The following PCDHGC5 variants were observed in gnomAD, a reference collection of about 807,000 sequenced individuals.
PCDHGC5 encodes the protein protocadherin gamma-C5.
Under a neutral mutation model 59.0 loss-of-function variants are expected in PCDHGC5, and 25 were observed. The observed-to-expected ratio is 0.42, with a 90% CI of 0.31 to 0.59. PCDHGC5 has a LOEUF of 0.59. Ranked by LOEUF, PCDHGC5 falls within the 20% of genes least tolerant of loss-of-function variation. The probability of loss-of-function intolerance (pLI) is 0.13; values close to 1 mark genes in which losing one functional copy is unlikely to be tolerated. For synonymous variants in PCDHGC5, 434 were observed against 505.5 expected (o/e 0.86, Z 1.90); for missense variants, 1,067 against 1,206.4 (o/e 0.88, Z 1.71).
At chr5:141,506,969 A>G (rs923725359) in intron 3 of PCDHGC5, 7 of 152,208 alleles carry the variant, frequency 4.6e-5, no homozygotes, top group Non-Finnish European at 8.8e-5. Flanking sequence ...ATAGCTCTGC[A>G]AGGCAGGTCT....
In PCDHGC5 at chr5:141,491,410, G is replaced by T. The variant is rs777207581; in HGVS notation, c.2170G>T (p.Asp724Tyr). The change falls in exon 1 of 4, where the codon GAC (aspartate) becomes TAC (tyrosine). Residue 724 changes from aspartate (D) to tyrosine (Y), a missense_variant. Physicochemically the swap from Asp to Tyr is radical, Grantham distance 160 (BLOSUM62 -3). Transcript: ENST00000252087. The surrounding 1 kb of genome is among the most constrained non-coding windows in gnomAD (Gnocchi z 6.9). ...GTGCCTTCAGGGAAACGCAGACGGG[G>T]ACGGGGGTGGAGGGCAGTGCTGCAG... ...AKCLQGNADG[D>Y]GGGGQCCRRQ... is the part of the protein sequence containing the mutation. 28 of 1,614,142 alleles carry T rather than the reference G, an allele frequency of 1.7e-5. No individual in the cohort carries two copies. The highest frequency in any genetic ancestry group is 2.4e-5 in the Non-Finnish European group (28 of 1,180,034).
Position 141,489,153 on chromosome 5 carries a change from G to T in PCDHGC5, c.-88G>T. 1 of 935,828 alleles carries T rather than the reference G, an allele frequency of 1.1e-6. No individual in the cohort carries two copies. Among genetic ancestry groups the T allele is most frequent in the South Asian group, 1.8e-5 (1 of 55,006 alleles). 58.0% of individuals were successfully genotyped at this position (935,828 alleles called of 1,614,324 possible). A position where few individuals can be genotyped will look rare whatever the true frequency, so the allele number is the denominator to read the frequency against. Reference sequence around the variant, plus strand: ...TTTAAGAGGCTGGAAGGAGACATAAGAGACTTCAGCTGCTGCATTCCAAGC... The same window carrying T: ...TTTAAGAGGCTGGAAGGAGACATAATAGACTTCAGCTGCTGCATTCCAAGC... On this transcript the variant is annotated 5_prime_UTR_variant, in exon 1 of 4. Transcript: ENST00000252087. The surrounding 1 kb of genome is among the most constrained non-coding windows in gnomAD (Gnocchi z 4.5).
chr5:141,491,567 C>T lies in PCDHGC5; in HGVS notation c.2327C>T (p.Thr776Met), dbSNP rs2099721325. Residue 776 changes from threonine to methionine, a missense_variant, in exon 1 of 4, where the codon ACG (threonine) becomes ATG (methionine). Thr to Met is a moderately conservative substitution (Grantham distance 81). Transcript: ENST00000252087. The surrounding 1 kb of genome is among the most constrained non-coding windows in gnomAD (Gnocchi z 6.9). ...GACTCGCAGAGCCACTGCTACAGGACGTGCTTTTCACCGGCCTCGGACGGC... is the reference window on the plus strand; with the variant it reads ...GACTCGCAGAGCCACTGCTACAGGATGTGCTTTTCACCGGCCTCGGACGGC... ...PTDSQSHCYR[T>M]CFSPASDGSD... is the part of the protein sequence containing the mutation. 1.9e-6 allele frequency: 3 copies of T among 1,614,004 alleles called. No individual in the cohort carries two copies. The highest frequency in any genetic ancestry group is 2.5e-6 in the Non-Finnish European group (3 of 1,180,034).
chr5:141,497,919 T>G (rs762168347), intron 2 of PCDHGC5, among the ~76,000 whole-genome samples: 11 of 152,206 alleles, frequency 7.2e-5, no homozygotes, highest in Non-Finnish European at 1.6e-4. Flanking sequence ...TCTCCTTCAT[T>G]CATTCAACAA....
intron 2 of PCDHGC5, among the ~76,000 whole-genome samples, chr5:141,501,526 G>A (rs2099809738): frequency 6.6e-6 from 1 of 151,962 alleles, no homozygotes; most frequent in Non-Finnish European, 1.5e-5. Context: ...CTGAAGCCCA[G>A]TACGTTGTTG....
intron 2 of PCDHGC5, among the ~76,000 whole-genome samples, chr5:141,498,573 A>G (rs7725519): frequency 0.52 from 78,890 of 151,684 alleles, 21,175 homozygotes; most frequent in African/African-American, 0.65. Flanking sequence ...CAGGGCTAGT[A>G]TTGAGTTCTT....
At chr5:141,505,344 AGCT>A in intron 2 of PCDHGC5, 46 bp from the exon 3 acceptor site, 1 of 1,613,046 alleles carries the variant, frequency 6.2e-7, no homozygotes, top group South Asian at 1.1e-5. Flanking sequence ...GAGGGGCATG[AGCT>A]GTGCCGGCCT....
At chr5:141,495,014 G>A (rs561045298) in intron 2 of PCDHGC5, 149 bp downstream of exon 2, 13 of 1,510,430 alleles carry the variant, frequency 8.6e-6, no homozygotes, top group South Asian at 7.5e-5. Flanking sequence ...GCGGGGGGCT[G>A]GCACACAGAC....
intron 3 of PCDHGC5, among the ~76,000 whole-genome samples, chr5:141,508,957 C>T (rs1242113190): frequency 6.6e-6 from 1 of 151,976 alleles, no homozygotes; most frequent in Non-Finnish European, 1.5e-5. Context: ...GAAATGTCAG[C>T]GGAATGAAAG....
rs762138055 is a variant in PCDHGC5, at chr5:141,490,757, T to C, written c.1517T>C (p.Phe506Ser). 6.2e-7 allele frequency: 1 copy of C among 1,613,918 alleles called. No homozygotes were observed. The highest frequency in any genetic ancestry group is 2.2e-5 in the East Asian group (1 of 44,892). The change falls in exon 1 of 4, where the codon TTT becomes TCT. Residue 506 changes from phenylalanine to serine, a missense_variant. By Grantham distance (155) the Phe-to-Ser change is radical. Coordinates refer to ENST00000252087, the MANE Select transcript of PCDHGC5 (RefSeq NM_018929.3). The surrounding 1 kb of genome is among the most constrained non-coding windows in gnomAD (Gnocchi z 5.4). ...GTTCAGGGAGCCCCAGCCTCCTCCT[T>C]TGTGTATGTCAACCCAGAGGATGGA... Reference protein sequence around the residue: ...NQVQGAPASSFVYVNPEDGRI... With the variant: ...NQVQGAPASSSVYVNPEDGRI...
chr5:141,505,270 G>C, intron 2 of PCDHGC5, 123 bp from the exon 3 acceptor site: 1 of 1,520,726 alleles, frequency 6.6e-7, no homozygotes, highest in African/African-American at 1.4e-5. Context: ...CTTGCTGAGA[G>C]AAACAGGTCT....
rs1330469043 is a variant in PCDHGC5 at position 141,491,537 on chromosome 5, C to A, written c.2297C>A (p.Pro766His). Residue 766 changes from proline (P) to histidine (H), a missense_variant, in exon 1 of 4, where the codon CCC (proline) becomes CAC (histidine). By Grantham distance (77) the Pro-to-His change is moderately conservative (BLOSUM62 -2). Transcript: ENST00000252087. This position sits in a 1 kb window ranked among gnomAD's most constrained non-coding sequence, Gnocchi z 6.9. ...TLKYMEVTLRPTDSQSHCYRT... is the reference protein window; with the variant it reads ...TLKYMEVTLRHTDSQSHCYRT... ...AAGTACATGGAGGTGACGCTGCGGCCCACAGACTCGCAGAGCCACTGCTAC... is the reference window on the plus strand; with the variant it reads ...AAGTACATGGAGGTGACGCTGCGGCACACAGACTCGCAGAGCCACTGCTAC... The A allele has an allele frequency of 6.2e-7, 1 of 1,613,908 alleles. No homozygotes were observed. Among genetic ancestry groups the A allele is most frequent in the African/African-American group, 1.3e-5 (1 of 74,920 alleles).
rs560733170 is a variant in PCDHGC5, at chr5:141,503,895, A to G, written c.2520-1498A>G. ...TTGTGCTCACCCACCATGACAAAATATGCACACACACAACGCAACACACAC... is the reference window on the plus strand; with the variant it reads ...TTGTGCTCACCCACCATGACAAAATGTGCACACACACAACGCAACACACAC... On this transcript the variant is annotated intron_variant, in intron 2 of 3. Transcript: ENST00000252087. Among the ~76,000 whole-genome samples, 12 of 152,302 alleles carry G rather than the reference A, an allele frequency of 7.9e-5. No individual in the cohort carries two copies. The South Asian group carries it at 2.1e-3, about 26-fold the overall frequency.
chr5:141,505,633 A>C, intron 3 of PCDHGC5, 152 bp downstream of exon 3: 3 of 1,471,286 alleles, frequency 2.0e-6, no homozygotes, highest in South Asian at 1.3e-5. Context: ...TCCAAACATA[A>C]AGCCTGGAAT....
intron 2 of PCDHGC5, among the ~76,000 whole-genome samples, chr5:141,499,868 A>G (rs2099794957): frequency 6.6e-6 from 1 of 152,024 alleles, no homozygotes; most frequent in Non-Finnish European, 1.5e-5. Context: ...TTGTATTTTC[A>G]GTACAAACAG....
chr5:141,509,027 A>G (rs1409179803), intron 3 of PCDHGC5, among the ~76,000 whole-genome samples: 1 of 151,700 alleles, frequency 6.6e-6, no homozygotes, highest in Non-Finnish European at 1.5e-5. Flanking sequence ...GCTCCCTCCC[A>G]CTCAACCCCT....
intron 3 of PCDHGC5, among the ~76,000 whole-genome samples, chr5:141,509,004 G>A (rs2099873761): frequency 6.6e-6 from 1 of 152,072 alleles, no homozygotes; most frequent in South Asian, 2.1e-4. Context: ...AGGAGAGGAG[G>A]AAGTGGGCAG....
intron 2 of PCDHGC5, among the ~76,000 whole-genome samples, chr5:141,500,184 T>TTTTTTTTA (rs1554186429): frequency 7.8e-4 from 106 of 135,966 alleles, no homozygotes; most frequent in African/African-American, 2.4e-3. Context: ...TCATTTTTAT[T>TTTTTTTTA]TTTATTTATT....
intron 1 of PCDHGC5, among the ~76,000 whole-genome samples, chr5:141,492,408 C>T (rs1187024017): frequency 2.0e-5 from 3 of 152,244 alleles, no homozygotes; most frequent in African/African-American, 2.4e-5. Flanking sequence ...CTCCCCTCTG[C>T]CGCTCCCTCC....
Sources: allele counts gnomAD v4.1 joint callset (sites outside exome capture counted in the v4.1 genomes callset), GRCh38; gene constraint gnomAD v4.1.1; non-coding constraint Gnocchi (gnomAD v3.1); transcripts MANE v1.5; gene names NCBI Gene and HGNC (gene_info 2026-07-23, HGNC 2026-07-21).